The following HIVEP3 variants were observed in gnomAD, a reference collection of about 807,000 sequenced individuals.
HIVEP3 encodes the protein HIVEP zinc finger 3.
Under a neutral mutation model 152.8 loss-of-function variants are expected in HIVEP3, and 49 were observed. That is an observed-to-expected ratio of 0.32 (90% confidence interval 0.26 to 0.41). The LOEUF (loss-of-function observed/expected upper bound fraction) is 0.41, where lower values mean the gene tolerates loss of function less well. Among genes scored for constraint, HIVEP3 ranks in the 10% least tolerant of loss-of-function variants. The pLI, the probability that HIVEP3 is intolerant of heterozygous loss-of-function variation, is 1.00. For synonymous variants in HIVEP3, 1,269 were observed against 1,289.0 expected, an observed-to-expected ratio of 0.98 and a Z score of 0.33; for missense variants, 2,790 against 3,103.3, an observed-to-expected ratio of 0.90 and a Z score of 2.40.
Position 41,581,242 on chromosome 1 carries a change from A to G in HIVEP3, c.3556T>C (p.Phe1186Leu), listed in dbSNP as rs763819699. 2 of 1,586,374 alleles carry G rather than the reference A, an allele frequency of 1.3e-6. No individual in the cohort carries two copies. Among genetic ancestry groups the G allele is most frequent in the African/African-American group, 2.7e-5 (2 of 74,160 alleles). The change falls in exon 4 of 9, where the codon TTT (phenylalanine) becomes CTT (leucine). Residue 1186 changes from phenylalanine to leucine, a missense_variant. Physicochemically the swap from Phe to Leu is conservative, Grantham distance 22. Around this residue, in one of 9 missense-constraint regions of HIVEP3, gnomAD observed 1,078 missense variants for 1,165.3 expected, o/e 0.93. Transcript: ENST00000372583. The surrounding 1 kb of genome is among the most constrained non-coding windows in gnomAD (Gnocchi z 4.5). ...TGGAGAGGAAGCGGTGGGGCTTGAA[A>G]TAAGGAGGGAGGAAGTGGGGGCATG... is the stretch of plus-strand genomic sequence containing the variant. ...YSMPPLPPSL[F>L]QAPPLPLQPT...
intron 5 of HIVEP3, among the ~76,000 whole-genome samples, chr1:41,557,586 G>C (rs549385260): frequency 2.0e-5 from 3 of 152,260 alleles, no homozygotes; most frequent in East Asian, 3.9e-4. Flanking sequence ...AGTCACCTTT[G>C]GGGGGATGGC....
At chr1:41,786,821 G>A (rs915504984) in intron 1 of HIVEP3, among the ~76,000 whole-genome samples, 1 of 150,262 alleles carries the variant, frequency 6.7e-6, no homozygotes, top group Non-Finnish European at 1.5e-5. Context: ...GCAGGATCTC[G>A]GTTCACTGCA....
At chr1:41,590,911 C>T (rs1047964847) in intron 3 of HIVEP3, among the ~76,000 whole-genome samples, 1 of 152,190 alleles carries the variant, frequency 6.6e-6, no homozygotes, top group African/African-American at 2.4e-5. Context: ...CTGGCTCCTC[C>T]ACCTCCTAAC....
At chr1:41,594,780 A>G (rs1000108388) in intron 3 of HIVEP3, among the ~76,000 whole-genome samples, 1 of 152,096 alleles carries the variant, frequency 6.6e-6, no homozygotes, top group African/African-American at 2.4e-5. Flanking sequence ...TAGGTTTCAC[A>G]TCCAATATTA....
chr1:41,751,740 C>T (rs1243937171), intron 1 of HIVEP3, among the ~76,000 whole-genome samples: 2 of 152,160 alleles, frequency 1.3e-5, no homozygotes, highest in Non-Finnish European at 2.9e-5. Flanking sequence ...GAAGTCATGG[C>T]GAGGCAGGAG....
At chr1:41,636,107 AC>A (rs1321198136) in intron 2 of HIVEP3, among the ~76,000 whole-genome samples, 1 of 152,246 alleles carries the variant, frequency 6.6e-6, no homozygotes, top group Non-Finnish European at 1.5e-5. Context: ...TCAGCAGTGA[AC>A]AAAACAGAAA....
intron 5 of HIVEP3, among the ~76,000 whole-genome samples, chr1:41,545,866 A>T (rs1211872268): frequency 6.6e-6 from 1 of 152,018 alleles, no homozygotes. Context: ...TCCTGGCCCT[A>T]GTCACAGAGA....
intron 2 of HIVEP3, among the ~76,000 whole-genome samples, chr1:41,700,701 C>A (rs1230845133): frequency 6.6e-6 from 1 of 152,232 alleles, no homozygotes; most frequent in Non-Finnish European, 1.5e-5. Flanking sequence ...CAGGACTCTC[C>A]CATCACCATA....
Position 41,510,952 on chromosome 1 carries a change from C to T in HIVEP3, c.6720G>A (p.Glu2240=), listed in dbSNP as rs1644445296. The T allele has an allele frequency of 1.2e-6, 2 of 1,613,472 alleles. No homozygotes were observed. Among genetic ancestry groups the T allele is most frequent in the Admixed American group, 1.7e-5 (1 of 60,008 alleles). Residue 2240 remains glutamate, a synonymous_variant, in exon 9 of 9, where the codon GAG becomes GAA. Coordinates refer to ENST00000372583, the MANE Select transcript of HIVEP3 (RefSeq NM_024503.5). ...SDLTGAREAQ[E]RGRWSPTESS... ...TCTCAGTGGGACTCCAGCGGCCTCG[C>T]TCCTGGGCCTCCCGGGCCCCTGTCA...
intron 5 of HIVEP3, among the ~76,000 whole-genome samples, chr1:41,547,357 A>G (rs1235104304): frequency 2.0e-5 from 3 of 152,156 alleles, no homozygotes; most frequent in Non-Finnish European, 4.4e-5. Context: ...TGGGGTTTGG[A>G]AGGATAGCTG....
chr1:41,617,929 C>T (rs750406356), intron 3 of HIVEP3, among the ~76,000 whole-genome samples: 64 of 152,188 alleles, frequency 4.2e-4, no homozygotes, highest in Non-Finnish European at 7.6e-4. Context: ...GGGCAATGAC[C>T]GCACCAGGCT....
At chr1:41,733,893 C>T (rs1646878648) in intron 1 of HIVEP3, among the ~76,000 whole-genome samples, 1 of 152,126 alleles carries the variant, frequency 6.6e-6, no homozygotes, top group Non-Finnish European at 1.5e-5. Context: ...GGCCTCAGCT[C>T]CTCCAGGTGT....
chr1:41,981,736 T>A (rs1453993960), intron 1 of HIVEP3, among the ~76,000 whole-genome samples: 2 of 152,228 alleles, frequency 1.3e-5, no homozygotes, highest in African/African-American at 4.8e-5. Context: ...TCTCACTGCT[T>A]TCGCTGGATT....
intron 1 of HIVEP3, among the ~76,000 whole-genome samples, chr1:41,723,501 C>CCA (rs35823066): frequency 0.025 from 3,629 of 146,474 alleles, 61 homozygotes; most frequent in African/African-American, 0.039. Flanking sequence ...CACACAGCCA[C>CCA]CACACACACA....
chr1:41,837,705 C>G (rs926411904), intron 1 of HIVEP3, among the ~76,000 whole-genome samples: 10 of 152,182 alleles, frequency 6.6e-5, no homozygotes, highest in Non-Finnish European at 2.9e-5. Context: ...TTAATTCTAT[C>G]TCCTATTCTA....
chr1:41,526,541 CCA>C (rs1203342259), intron 5 of HIVEP3, among the ~76,000 whole-genome samples: 4 of 79,164 alleles, frequency 5.1e-5, no homozygotes, highest in East Asian at 2.4e-4. Context: ...GCTTACACCC[CCA>C]CACTCACCCT....
intron 1 of HIVEP3, among the ~76,000 whole-genome samples, chr1:41,712,628 G>A (rs933687586): frequency 3.9e-5 from 6 of 152,226 alleles, no homozygotes; most frequent in African/African-American, 1.4e-4. Flanking sequence ...TCTGAGTGAA[G>A]AGGGAAACCA....
intron 2 of HIVEP3, among the ~76,000 whole-genome samples, chr1:41,687,742 C>G (rs1249495349): frequency 6.6e-6 from 1 of 152,216 alleles, no homozygotes; most frequent in Non-Finnish European, 1.5e-5. Flanking sequence ...GCTTATCTAC[C>G]AAAAGGTGAA....
chr1:41,548,995 AATGC>A (rs1322063669), intron 5 of HIVEP3, among the ~76,000 whole-genome samples: 2 of 152,062 alleles, frequency 1.3e-5, no homozygotes, highest in Admixed American at 1.3e-4. Flanking sequence ...TACATAAGGT[AATGC>A]TATCCCTAAT....
Sources: allele counts gnomAD v4.1 joint callset (sites outside exome capture counted in the v4.1 genomes callset), GRCh38; gene constraint gnomAD v4.1.1; regional missense constraint gnomAD v4.1.1; non-coding constraint Gnocchi (gnomAD v3.1); transcripts MANE v1.5; gene names NCBI Gene and HGNC (gene_info 2026-07-23, HGNC 2026-07-21).